Variants in ADGRB3 observed in about 807,000 individuals in gnomAD.
The protein encoded by ADGRB3 is adhesion G protein-coupled receptor B3, also known as brain-specific angiogenesis inhibitor 3.
In ADGRB3, 37 loss-of-function variants were observed where a neutral mutation model predicts 193.4. That is an observed-to-expected ratio of 0.19 (90% CI 0.15 to 0.25). The LOEUF is 0.25. Among genes scored for constraint, ADGRB3 ranks in the 10% least tolerant of loss-of-function variants. ADGRB3 has a pLI of 1.00. For synonymous variants in ADGRB3, 690 were observed against 644.2 expected, an observed-to-expected ratio of 1.07 and a Z score of -1.08; for missense variants, 1,637 against 1,852.9, an observed-to-expected ratio of 0.88 and a Z score of 2.14.
intron 24 of ADGRB3, among the ~76,000 whole-genome samples, chr6:69,337,167 C>G (rs996413474): frequency 9.9e-5 from 15 of 152,056 alleles, no homozygotes; most frequent in African/African-American, 3.6e-4. Flanking sequence ...TAATATTTGG[C>G]TTTCGATCTT....
intron 20 of ADGRB3, among the ~76,000 whole-genome samples, chr6:69,254,113 C>A (rs1766694899): frequency 2.0e-5 from 3 of 152,166 alleles, no homozygotes; most frequent in Non-Finnish European, 4.4e-5. Context: ...CACCCTTTAA[C>A]TTTATTTACA....
chr6:69,270,446 A>G (rs1767148106), intron 20 of ADGRB3, among the ~76,000 whole-genome samples: 2 of 152,148 alleles, frequency 1.3e-5, no homozygotes, highest in Non-Finnish European at 2.9e-5. Flanking sequence ...GAAATTATAA[A>G]TATTTTAACT....
chr6:69,025,033 A>G (rs532964134), intron 13 of ADGRB3, among the ~76,000 whole-genome samples: 1 of 151,846 alleles, frequency 6.6e-6, no homozygotes, highest in African/African-American at 2.4e-5. Flanking sequence ...CTGAGCTTGC[A>G]GTGAGCCGAG....
intron 20 of ADGRB3, among the ~76,000 whole-genome samples, chr6:69,272,112 G>T (rs73745992): frequency 6.6e-6 from 1 of 152,158 alleles, no homozygotes; most frequent in Non-Finnish European, 1.5e-5. Context: ...ACATGCACAC[G>T]CTGCACCCAC....
intron 3 of ADGRB3, among the ~76,000 whole-genome samples, chr6:68,744,157 A>G (rs1298054491): frequency 1.3e-5 from 2 of 152,126 alleles, no homozygotes; most frequent in African/African-American, 2.4e-5. Flanking sequence ...CACACATTTT[A>G]TTTTATCTTG....
At chr6:68,941,918 A>C (rs1029989280) in intron 5 of ADGRB3, among the ~76,000 whole-genome samples, 1 of 148,726 alleles carries the variant, frequency 6.7e-6, no homozygotes, top group African/African-American at 2.5e-5. Flanking sequence ...ATATAGACTT[A>C]CTTTTATATA....
At chr6:69,117,843 C>A (rs1338397436) in intron 17 of ADGRB3, among the ~76,000 whole-genome samples, 2 of 152,130 alleles carry the variant, frequency 1.3e-5, no homozygotes, top group Non-Finnish European at 2.9e-5. Context: ...TCACTACTGC[C>A]TTTTCAAAGA....
intron 17 of ADGRB3, among the ~76,000 whole-genome samples, chr6:69,115,631 T>C (rs1229217106): frequency 1.3e-5 from 2 of 152,068 alleles, no homozygotes; most frequent in Non-Finnish European, 2.9e-5. Context: ...ATAAATAAAA[T>C]TGGCAAACAA....
At chr6:68,760,295 C>T (rs1766373741) in intron 3 of ADGRB3, among the ~76,000 whole-genome samples, 1 of 152,066 alleles carries the variant, frequency 6.6e-6, no homozygotes, top group Admixed American at 6.6e-5. Context: ...GACATTTCTC[C>T]CCTAGGGGTG....
chr6:69,073,056 C>A (rs749155368), intron 16 of ADGRB3, among the ~76,000 whole-genome samples: 4 of 152,128 alleles, frequency 2.6e-5, no homozygotes, highest in African/African-American at 9.7e-5. Flanking sequence ...CACTCCATTC[C>A]CCCATTTGTC....
intron 20 of ADGRB3, among the ~76,000 whole-genome samples, chr6:69,245,283 C>G (rs994120442): frequency 3.9e-5 from 6 of 152,068 alleles, no homozygotes; most frequent in African/African-American, 1.4e-4. Flanking sequence ...AAATTCAAAT[C>G]TGACCACTCG....
intron 17 of ADGRB3, among the ~76,000 whole-genome samples, chr6:69,202,262 G>A (rs544660003): frequency 1.3e-5 from 2 of 152,270 alleles, no homozygotes; most frequent in East Asian, 3.9e-4. Flanking sequence ...ACAATTCTGA[G>A]ATTGAACTAA....
At chr6:68,808,353 C>T (rs1253573451) in intron 3 of ADGRB3, among the ~76,000 whole-genome samples, 1 of 151,860 alleles carries the variant, frequency 6.6e-6, no homozygotes, top group Non-Finnish European at 1.5e-5. Context: ...CGGAACAGTT[C>T]TCGGACTCAC....
intron 10 of ADGRB3, among the ~76,000 whole-genome samples, chr6:68,980,012 A>G (rs1418848205): frequency 6.6e-6 from 1 of 151,430 alleles, no homozygotes; most frequent in Admixed American, 6.6e-5. Context: ...TTTCTCCTAA[A>G]TTTATTGGAC....
intron 16 of ADGRB3, among the ~76,000 whole-genome samples, chr6:69,066,402 T>C (rs531192492): frequency 1.3e-5 from 2 of 151,966 alleles, no homozygotes; most frequent in Non-Finnish European, 2.9e-5. Flanking sequence ...TGGGAATTAA[T>C]AGTTACAGTG....
At chr6:69,262,509 C>T (rs181296991) in intron 20 of ADGRB3, among the ~76,000 whole-genome samples, 4 of 151,970 alleles carry the variant, frequency 2.6e-5, no homozygotes, top group African/African-American at 9.6e-5. Context: ...TCCAATTCTC[C>T]TATGTTTTCA....
intron 3 of ADGRB3, among the ~76,000 whole-genome samples, chr6:68,886,144 C>T (rs1302021240): frequency 6.6e-6 from 1 of 152,048 alleles, no homozygotes; most frequent in Non-Finnish European, 1.5e-5. Context: ...GTGGAAATCT[C>T]AGAACCAGGA....
rs148067666 is a variant in ADGRB3, at chr6:68,869,221, A to G, written c.758-61338A>G. On this transcript the variant is annotated intron_variant, in intron 3 of 31. Coordinates refer to ENST00000370598, the MANE Select transcript of ADGRB3 (RefSeq NM_001704.3). ...CACTTTCTAAATATAGGAAACTAAA[A>G]CCAAAGACTCCCAAGTTTTTAATCC... is the stretch of plus-strand genomic sequence containing the variant. 2.2e-3 allele frequency among the ~76,000 whole-genome samples: 341 copies of G among 152,272 alleles called. 1 individual carries two copies. The highest frequency in any genetic ancestry group is 7.9e-3 in the African/African-American group (329 of 41,556).
In ADGRB3 at chr6:69,353,875, C is replaced by T. The variant is rs190243689; in HGVS notation, c.3460-358C>T. Among the ~76,000 whole-genome samples, 665 of 152,134 alleles carry T rather than the reference C, an allele frequency of 4.4e-3. 10 individuals are homozygous for T. Among genetic ancestry groups the T allele is most frequent in the South Asian group, 0.015 (74 of 4,816 alleles). On this transcript the variant is annotated intron_variant, in intron 26 of 31. Coordinates refer to ENST00000370598, the MANE Select transcript of ADGRB3 (RefSeq NM_001704.3). Reference sequence around the variant, plus strand: ...GGTCAGAAGTTCGAGACCAGCCTGACCAACATGGAGAAACCCCATCTCTAC... The same window carrying T: ...GGTCAGAAGTTCGAGACCAGCCTGATCAACATGGAGAAACCCCATCTCTAC...
Sources: gnomAD v4.1 joint callset for allele counts (sites outside exome capture counted in the v4.1 genomes callset) on GRCh38, gnomAD v4.1.1 for gene constraint, MANE v1.5 for transcripts, NCBI Gene and HGNC (gene_info 2026-07-23, HGNC 2026-07-21) for gene names.